The following SEM1 variants were observed in gnomAD, a reference collection of about 807,000 sequenced individuals.
The protein encoded by SEM1 is SEM1 26S proteasome subunit.
SEM1 carries 3 observed loss-of-function variants against 12.7 expected under a neutral mutation model. The observed-to-expected ratio is 0.24, with a 90% CI of 0.11 to 0.61. SEM1 has a LOEUF of 0.61. SEM1 is among the 20% of genes least tolerant of loss of function. The pLI is 0.88. For missense variants in SEM1, 59 were observed against 81.3 expected, an observed-to-expected ratio of 0.73 and a Z score of 1.06; for synonymous variants, 30 against 27.8, an observed-to-expected ratio of 1.08 and a Z score of -0.25.
At chr7:96,619,211 G>A (rs1396046253), downstream of SEM1, among the ~76,000 whole-genome samples, 1 of 152,108 alleles carries the variant, frequency 6.6e-6, no homozygotes, top group East Asian at 1.9e-4. Flanking sequence ...CACATCTAAT[G>A]TAGCAGTTGT....
At chr7:96,619,666 T>C (rs1270567580), downstream of SEM1, among the ~76,000 whole-genome samples, 8 of 151,722 alleles carry the variant, frequency 5.3e-5, no homozygotes, top group East Asian at 1.6e-3. Flanking sequence ...GTGTGGGTGA[T>C]GAAAGTAGCA....
intron 2 of SEM1, among the ~76,000 whole-genome samples, chr7:96,508,478 C>A (rs916695320): frequency 6.6e-6 from 1 of 152,038 alleles, no homozygotes; most frequent in Non-Finnish European, 1.5e-5. Flanking sequence ...GTATACATGG[C>A]CTAAGTGATG....
At chr7:96,524,652 C>T (rs929048681) in intron 2 of SEM1, among the ~76,000 whole-genome samples, 7 of 151,402 alleles carry the variant, frequency 4.6e-5, no homozygotes, top group African/African-American at 1.7e-4. Context: ...ATATATTTAA[C>T]CCATTATATT....
chr7:96,706,025 G>A (rs1036176517), intron 1 of SEM1, among the ~76,000 whole-genome samples: 10 of 151,968 alleles, frequency 6.6e-5, no homozygotes, highest in Admixed American at 3.9e-4. Flanking sequence ...TCCTAATAAA[G>A]GCTGTTCTAA....
At chr7:96,528,212 G>A (rs766093532) in intron 2 of SEM1, among the ~76,000 whole-genome samples, 4 of 151,972 alleles carry the variant, frequency 2.6e-5, no homozygotes, top group Non-Finnish European at 5.9e-5. Flanking sequence ...GTTTTGTTTC[G>A]AGACAGGGTC....
chr7:96,583,906 G>A (rs546943379), intron 2 of SEM1, among the ~76,000 whole-genome samples: 13 of 151,088 alleles, frequency 8.6e-5, no homozygotes, highest in African/African-American at 2.9e-4. Context: ...CACACTGATG[G>A]GTCTTGACTC....
At chr7:96,528,336 G>A (rs941759061) in intron 2 of SEM1, among the ~76,000 whole-genome samples, 15 of 152,076 alleles carry the variant, frequency 9.9e-5, no homozygotes, top group Admixed American at 2.0e-4. Context: ...TGGGACTACA[G>A]GCGTGCCACC....
At chr7:96,632,935 G>T (rs1295264412) in intron 2 of SEM1, among the ~76,000 whole-genome samples, 1 of 151,730 alleles carries the variant, frequency 6.6e-6, no homozygotes, top group Non-Finnish European at 1.5e-5. Flanking sequence ...ATTTCTAATT[G>T]CCCCTTAATT....
chr7:96,634,269 T>C (rs138378951), intron 2 of SEM1, among the ~76,000 whole-genome samples: 21 of 152,236 alleles, frequency 1.4e-4, no homozygotes, highest in African/African-American at 4.8e-4. Context: ...CTATCAAATA[T>C]TAAAATGTAT....
intron 2 of SEM1, among the ~76,000 whole-genome samples, chr7:96,510,851 T>C (rs1462558791): frequency 6.6e-6 from 1 of 152,150 alleles, no homozygotes; most frequent in Non-Finnish European, 1.5e-5. Flanking sequence ...GCATCTCTTC[T>C]CATCAATGCT....
intron 2 of SEM1, among the ~76,000 whole-genome samples, chr7:96,578,675 CAAT>C (rs1806287935): frequency 6.6e-6 from 1 of 152,140 alleles, no homozygotes; most frequent in Non-Finnish European, 1.5e-5. Context: ...GTATTAACAG[CAAT>C]AATGTCTTTG....
At chr7:96,608,491 A>G (rs140331973) in intron 2 of SEM1, among the ~76,000 whole-genome samples, 62 of 152,278 alleles carry the variant, frequency 4.1e-4, no homozygotes, top group Non-Finnish European at 7.9e-4. Context: ...CAGAATATTT[A>G]CAAGGTTGCA....
At chr7:96,673,082 AG>A (rs1789362609), downstream of SEM1, 1 of 152,092 alleles carries the variant, frequency 6.6e-6, no homozygotes, top group Non-Finnish European at 1.5e-5. Flanking sequence ...AAAACATGGA[AG>A]TCATTTCTTC....
intron 1 of SEM1, 48 bp downstream of exon 1, chr7:96,709,640 G>T: frequency 1.3e-6 from 2 of 1,569,786 alleles, no homozygotes; most frequent in Non-Finnish European, 1.8e-6. Flanking sequence ...CCACACGGAG[G>T]CCTGAGTCAC....
intron 2 of SEM1, among the ~76,000 whole-genome samples, chr7:96,644,146 C>T (rs554482218): frequency 9.3e-4 from 141 of 152,116 alleles, no homozygotes; most frequent in African/African-American, 2.3e-3. Context: ...CTCTAAATGA[C>T]GTGGAAGGAT....
intron 2 of SEM1, among the ~76,000 whole-genome samples, chr7:96,655,442 C>CTTT (rs72335497): frequency 3.6e-5 from 5 of 137,696 alleles, no homozygotes; most frequent in Non-Finnish European, 6.2e-5. Flanking sequence ...ATGCAAATAC[C>CTTT]TTTTTTTTTT....
intron 2 of SEM1, among the ~76,000 whole-genome samples, chr7:96,599,238 T>G (rs1163691860): frequency 6.6e-6 from 1 of 152,048 alleles, no homozygotes; most frequent in Non-Finnish European, 1.5e-5. Context: ...GAACAAGTAT[T>G]TTTTGCCTTT....
chr7:96,553,845 C>T (rs1202226504), intron 2 of SEM1, among the ~76,000 whole-genome samples: 3 of 152,128 alleles, frequency 2.0e-5, no homozygotes, highest in Admixed American at 1.3e-4. Flanking sequence ...TGTTCTTCCA[C>T]TTGTTTGTAT....
At chr7:96,597,656 A>C (rs536306025) in intron 2 of SEM1, among the ~76,000 whole-genome samples, 17 of 145,964 alleles carry the variant, frequency 1.2e-4, no homozygotes, top group Non-Finnish European at 2.5e-4. Context: ...TTATATATAA[A>C]TTTCTCATAT....
Sources: allele counts gnomAD v4.1 joint callset (sites outside exome capture counted in the v4.1 genomes callset), GRCh38; gene constraint gnomAD v4.1.1; transcripts MANE v1.5; gene names NCBI Gene and HGNC (gene_info 2026-07-23, HGNC 2026-07-21).